ENTREP2: variants seen among roughly 807,000 people sequenced by gnomAD.
ENTREP2 encodes endosomal transmembrane epsin interactor 2, also known as protein ENTREP2.
At chr15:29,401,842 C>T in the ENTREP2 span, among the ~76,000 whole-genome samples, 1 of 152,016 alleles carries the variant, frequency 6.6e-6, no homozygotes, top group East Asian at 1.9e-4. Context: ...GGAATGATCT[C>T]GAAGATAAAT....
At chr15:29,559,417 T>C in the ENTREP2 span, among the ~76,000 whole-genome samples, 1 of 152,062 alleles carries the variant, frequency 6.6e-6, no homozygotes. Flanking sequence ...CCAGAATGCC[T>C]CAGCAGCATT....
At chr15:29,219,123 C>A in the ENTREP2 span, among the ~76,000 whole-genome samples, 5 of 148,612 alleles carry the variant, frequency 3.4e-5, no homozygotes, top group African/African-American at 4.9e-5. Flanking sequence ...AAAAAAAAAA[C>A]AAACAATCCC....
the ENTREP2 span, among the ~76,000 whole-genome samples, chr15:29,649,754 G>GAAAGAAAAAAGAAAGA: frequency 3.4e-5 from 5 of 145,430 alleles, no homozygotes; most frequent in Non-Finnish European, 6.0e-5. Context: ...AAGAAAGAAA[G>GAAAGAAAAAAGAAAGA]AAAGAAAAAA....
the ENTREP2 span, among the ~76,000 whole-genome samples, chr15:29,232,934 A>T: frequency 2.0e-4 from 30 of 152,366 alleles, no homozygotes; most frequent in Admixed American, 1.0e-3. Context: ...GAGGTGAGAT[A>T]GTAAACCATT....
the ENTREP2 span, among the ~76,000 whole-genome samples, chr15:29,618,590 G>C: frequency 6.6e-6 from 1 of 152,162 alleles, no homozygotes; most frequent in African/African-American, 2.4e-5. Context: ...AACCTTTGTT[G>C]CTATGTTCTT....
chr15:29,189,598 T>C, the ENTREP2 span, among the ~76,000 whole-genome samples: 3 of 152,176 alleles, frequency 2.0e-5, no homozygotes, highest in Non-Finnish European at 4.4e-5. Context: ...ATAAGATCTT[T>C]AACTTTGATT....
chr15:29,252,916 C>T, the ENTREP2 span, among the ~76,000 whole-genome samples: 1 of 152,140 alleles, frequency 6.6e-6, no homozygotes. Flanking sequence ...AATGAAGGCA[C>T]ATGTGTCCAT....
At chr15:29,505,417 T>C in the ENTREP2 span, among the ~76,000 whole-genome samples, 1 of 152,288 alleles carries the variant, frequency 6.6e-6, no homozygotes, top group South Asian at 2.1e-4. The surrounding 1 kb of genome is among the most constrained non-coding windows in gnomAD (Gnocchi z 4.3). Context: ...AAGGGACAGA[T>C]TGCCTCCTCT....
At chr15:29,598,887 G>C in the ENTREP2 span, among the ~76,000 whole-genome samples, 2 of 152,054 alleles carry the variant, frequency 1.3e-5, no homozygotes, top group Non-Finnish European at 2.9e-5. Flanking sequence ...TAGTAGAGAC[G>C]GGGTTTCACC....
the ENTREP2 span, among the ~76,000 whole-genome samples, chr15:29,291,270 T>C: frequency 3.9e-5 from 6 of 152,224 alleles, no homozygotes; most frequent in African/African-American, 1.4e-4. Flanking sequence ...TACTGCAGCA[T>C]AGACTATCTC....
the ENTREP2 span, among the ~76,000 whole-genome samples, chr15:29,590,497 A>G: frequency 6.6e-6 from 1 of 152,008 alleles, no homozygotes; most frequent in Non-Finnish European, 1.5e-5. Context: ...AGCCTGACCA[A>G]CATGGAGAAA....
At chr15:29,319,160 G>T in the ENTREP2 span, among the ~76,000 whole-genome samples, 6 of 152,190 alleles carry the variant, frequency 3.9e-5, no homozygotes, top group Admixed American at 3.9e-4. Flanking sequence ...CTGAAGACAC[G>T]AGAAATAGTT....
At chr15:29,484,138 C>T in the ENTREP2 span, among the ~76,000 whole-genome samples, 1 of 152,090 alleles carries the variant, frequency 6.6e-6, no homozygotes, top group East Asian at 1.9e-4. Flanking sequence ...TAATTTTTTA[C>T]AATATAGGTT....
At chr15:29,268,592 C>T in the ENTREP2 span, 1 of 502,772 alleles carries the variant, frequency 2.0e-6, no homozygotes, top group Admixed American at 3.8e-5. Context: ...AACAAATGCT[C>T]CTTTGTTTAT....
chr15:29,258,212 C>CAAAA, the ENTREP2 span, among the ~76,000 whole-genome samples: 1,458 of 117,938 alleles, frequency 0.012, 38 homozygotes, highest in African/African-American at 0.043. Context: ...GGCTCAGTCT[C>CAAAA]AAAAAAAAAA....
chr15:29,587,136 A>G, the ENTREP2 span, among the ~76,000 whole-genome samples: 1 of 109,858 alleles, frequency 9.1e-6, no homozygotes, highest in South Asian at 3.3e-4. Context: ...TGTGTAGCTA[A>G]CCGTGTGTGT....
chr15:29,341,488 G>C, the ENTREP2 span, among the ~76,000 whole-genome samples: 1 of 152,186 alleles, frequency 6.6e-6, no homozygotes, highest in African/African-American at 2.4e-5. Flanking sequence ...CTCGATGAAG[G>C]CTCTGCAGAA....
chr15:29,224,165 G>A, the ENTREP2 span, among the ~76,000 whole-genome samples: 1 of 152,144 alleles, frequency 6.6e-6, no homozygotes. Context: ...GCTCAGCAGT[G>A]AAGCTACAGA....
chr15:29,593,418 TC>T, the ENTREP2 span, among the ~76,000 whole-genome samples: 9 of 151,940 alleles, frequency 5.9e-5, no homozygotes, highest in Non-Finnish European at 1.0e-4. Context: ...CCGTGACAAC[TC>T]CCCCACCAGT....
Sources: gnomAD v4.1 joint callset for allele counts (sites outside exome capture counted in the v4.1 genomes callset) on GRCh38, gnomAD v4.1.1 for gene constraint, Gnocchi (gnomAD v3.1) non-coding constraint, MANE v1.5 for transcripts, NCBI Gene and HGNC (gene_info 2026-07-23, HGNC 2026-07-21) for gene names.